Variants in KATNAL2 observed in about 807,000 individuals in gnomAD.
KATNAL2 encodes the protein katanin catalytic subunit A1 like 2, also known as katanin p60 ATPase-containing subunit A-like 2.
In KATNAL2, 52 loss-of-function variants were observed where a neutral mutation model predicts 76.3. The observed-to-expected ratio is 0.68, with a 90% CI of 0.55 to 0.86. KATNAL2 has a LOEUF of 0.86. Ranked by LOEUF, KATNAL2 falls within the 40% of genes least tolerant of loss-of-function variation. The pLI is 0.00. For synonymous variants in KATNAL2, 243 were observed against 244.2 expected (o/e 1.00, Z 0.05); for missense variants, 660 against 668.9 (o/e 0.99, Z 0.15).
intron 15 of KATNAL2, among the ~76,000 whole-genome samples, chr18:47,092,769 T>C (rs2063057169): frequency 6.6e-6 from 1 of 152,220 alleles, no homozygotes; most frequent in African/African-American, 2.4e-5. Context: ...CTTCACTCTA[T>C]GCGTCACAGC....
intron 1 of KATNAL2, among the ~76,000 whole-genome samples, chr18:46,945,839 A>G (rs905463670): frequency 1.3e-5 from 2 of 152,234 alleles, no homozygotes; most frequent in Admixed American, 6.5e-5. Flanking sequence ...GGAATAAGAT[A>G]AAGAATATTA....
chr18:46,949,398 A>G (rs968576605), intron 3 of KATNAL2, among the ~76,000 whole-genome samples: 1 of 152,120 alleles, frequency 6.6e-6, no homozygotes. Context: ...AACCACAGGC[A>G]TGTACCATCA....
At position 46,917,731 on chromosome 18, in the gene KATNAL2, C is replaced by G. The variant is rs187474834; in HGVS notation, c.-705C>G. 334 of 233,382 alleles carry G rather than the reference C, an allele frequency of 1.4e-3. 1 individual carries two copies. Among genetic ancestry groups the G allele is most frequent in the African/African-American group, 7.5e-3 (323 of 43,032 alleles). 14.5% of individuals were successfully genotyped at this position (233,382 alleles called of 1,614,324 possible). ...CTGCGGACTGCCTAGAGCTGGGTCG[C>G]AACTGAGGCGTTATCCGCGGGCCTG... On this transcript the variant is annotated 5_prime_UTR_variant, in exon 1 of 18. Coordinates refer to ENST00000683218, the MANE Select transcript of KATNAL2 (RefSeq NM_001387690.1).
intron 3 of KATNAL2, among the ~76,000 whole-genome samples, chr18:46,959,866 C>T (rs985020046): frequency 7.9e-5 from 12 of 152,190 alleles, no homozygotes; most frequent in African/African-American, 1.4e-4. Flanking sequence ...TGAGCCACCA[C>T]GCCTGGCCAG....
chr18:46,947,067 G>A (rs1403487936), intron 3 of KATNAL2, 144 bp downstream of exon 3: 3 of 680,494 alleles, frequency 4.4e-6, no homozygotes, highest in African/African-American at 3.5e-5. Flanking sequence ...CTCGGCCGAG[G>A]TGGTTAAATC....
rs781770187 is a variant in KATNAL2 at position 47,034,531 on chromosome 18, G to C, written c.52-11926G>C. The C allele has an allele frequency of 3.8e-5, 61 of 1,614,112 alleles. No individual in the cohort carries two copies. The South Asian group carries it at 6.4e-4, about 17-fold the overall frequency. On this transcript the variant is annotated intron_variant, in intron 3 of 17. Coordinates refer to ENST00000683218, the MANE Select transcript of KATNAL2 (RefSeq NM_001387690.1). ...TGATTTCTCCCTGATCAAAGTAGGG[G>C]AGTGCCAATCTCCCTGGGCACACAA...
chr18:46,961,640 T>C (rs1156315454), intron 3 of KATNAL2, among the ~76,000 whole-genome samples: 1 of 152,228 alleles, frequency 6.6e-6, no homozygotes, highest in Non-Finnish European at 1.5e-5. Flanking sequence ...TATACAGGCA[T>C]ATGTGCCAAC....
chr18:47,090,858 CT>C (rs1451590218), intron 15 of KATNAL2, among the ~76,000 whole-genome samples: 1 of 152,166 alleles, frequency 6.6e-6, no homozygotes, highest in Non-Finnish European at 1.5e-5. Flanking sequence ...GCTGGGCTCA[CT>C]GTGGAAGACA....
At chr18:46,941,719 C>T (rs747031337) in intron 1 of KATNAL2, among the ~76,000 whole-genome samples, 1 of 152,170 alleles carries the variant, frequency 6.6e-6, no homozygotes, top group East Asian at 1.9e-4. Context: ...ATTTTGCACA[C>T]ATTAGAATGC....
At chr18:47,057,273 G>A (rs1166022861) in intron 6 of KATNAL2, among the ~76,000 whole-genome samples, 1 of 152,196 alleles carries the variant, frequency 6.6e-6, no homozygotes, top group Non-Finnish European at 1.5e-5. Flanking sequence ...GGACAAAAGT[G>A]CTAAGAGAAC....
chr18:47,067,834 C>G (rs2061860567), intron 11 of KATNAL2, among the ~76,000 whole-genome samples: 1 of 152,166 alleles, frequency 6.6e-6, no homozygotes, highest in African/African-American at 2.4e-5. Flanking sequence ...GCTGGGCTGG[C>G]TCATCTCTTT....
At chr18:47,035,302 C>T (rs200615274) in intron 3 of KATNAL2, 100 of 1,611,514 alleles carry the variant, frequency 6.2e-5, no homozygotes, top group Middle Eastern at 4.4e-4. Context: ...TCCCGGCGGT[C>T]GCAGCTCTGT....
At chr18:47,099,183 G>T in intron 15 of KATNAL2, 60 bp from the exon 16 acceptor site, 1 of 1,516,664 alleles carries the variant, frequency 6.6e-7, no homozygotes. Flanking sequence ...TTAAAGTACA[G>T]TTGTTGTTCA....
At chr18:47,057,152 A>T (rs1426858397) in intron 6 of KATNAL2, among the ~76,000 whole-genome samples, 1 of 152,222 alleles carries the variant, frequency 6.6e-6, no homozygotes, top group Non-Finnish European at 1.5e-5. Flanking sequence ...AGACATGAAC[A>T]TTTATTATCC....
At chr18:46,952,890 CTTTTTTTTTTT>C (rs35782374) in intron 3 of KATNAL2, among the ~76,000 whole-genome samples, 1 of 93,052 alleles carries the variant, frequency 1.1e-5, no homozygotes, top group Admixed American at 1.3e-4. Flanking sequence ...TTCCTTCCTT[CTTTTTTTTTTT>C]TTTTTTTTTT....
At chr18:47,100,469 T>G in intron 17 of KATNAL2, 113 bp downstream of exon 17, 1 of 808,078 alleles carries the variant, frequency 1.2e-6, no homozygotes. Context: ...GGCAATGCGT[T>G]TTTTGGTCAA....
intron 13 of KATNAL2, among the ~76,000 whole-genome samples, chr18:47,072,403 T>A (rs919309601): frequency 4.6e-5 from 7 of 152,188 alleles, no homozygotes; most frequent in Admixed American, 3.9e-4. Flanking sequence ...ATCTATTATC[T>A]ACGTTAGCAT....
At chr18:46,947,193 G>T (rs1258303561) in intron 3 of KATNAL2, among the ~76,000 whole-genome samples, 1 of 152,190 alleles carries the variant, frequency 6.6e-6, no homozygotes, top group African/African-American at 2.4e-5. Flanking sequence ...TTGAGGAAAT[G>T]AGGTATTGAC....
At chr18:47,053,381 A>G (rs2061388949) in intron 5 of KATNAL2, among the ~76,000 whole-genome samples, 1 of 152,240 alleles carries the variant, frequency 6.6e-6, no homozygotes, top group African/African-American at 2.4e-5. Flanking sequence ...AAATGACAGA[A>G]GACTTTTTTT....
Sources: gnomAD v4.1 joint callset for allele counts (sites outside exome capture counted in the v4.1 genomes callset) on GRCh38, gnomAD v4.1.1 for gene constraint, MANE v1.5 for transcripts, NCBI Gene and HGNC (gene_info 2026-07-23, HGNC 2026-07-21) for gene names.